Variants in PANK3 observed in about 807,000 individuals in gnomAD.
PANK3 encodes the protein hPanK3.
A neutral mutation model predicts 39.4 loss-of-function variants in PANK3; 20 were observed. The ratio of observed to expected loss-of-function variants is 0.51; its 90% CI spans 0.36 to 0.74. The LOEUF (loss-of-function observed/expected upper bound fraction) is 0.74. PANK3 is among the 30% of genes least tolerant of loss of function. The pLI is 0.00. For missense variants in PANK3, 265 were observed against 437.0 expected (o/e 0.61, Z 3.51); for synonymous variants, 140 against 157.3 (o/e 0.89, Z 0.82).
intron 1 of PANK3, among the ~76,000 whole-genome samples, chr5:168,573,552 G>C (rs1454687344): frequency 6.6e-6 from 1 of 150,576 alleles, no homozygotes; most frequent in Non-Finnish European, 1.5e-5. Flanking sequence ...TTAAGTTTTA[G>C]GGTACATGTG....
At chr5:168,563,411 G>A (rs1759476134) in intron 4 of PANK3, among the ~76,000 whole-genome samples, 1 of 152,090 alleles carries the variant, frequency 6.6e-6, no homozygotes, top group Non-Finnish European at 1.5e-5. Flanking sequence ...GGTGAAACAG[G>A]CACTTTCATT....
In PANK3 at chr5:168,568,582, T is replaced by A. The variant is rs562249889; in HGVS notation, c.381+64A>T. 9 of 1,214,788 alleles carry A rather than the reference T, an allele frequency of 7.4e-6. No homozygotes were observed. The South Asian group carries it at 1.3e-4, about 17-fold the overall frequency. 75.3% of individuals were successfully genotyped at this position (1,214,788 alleles called of 1,614,324 possible). On this transcript the variant is annotated intron_variant, in intron 2 of 6. Coordinates refer to ENST00000239231, the MANE Select transcript of PANK3 (RefSeq NM_024594.4). The stretch of plus-strand genomic sequence containing the variant: ...AGGGAGAATTAAGGAACATGCTAGA[T>A]GGAAACCTACTCTCATATTTAAAAA...
intron 4 of PANK3, among the ~76,000 whole-genome samples, chr5:168,562,910 A>C (rs888785282): frequency 1.3e-5 from 2 of 152,156 alleles, no homozygotes; most frequent in Non-Finnish European, 2.9e-5. Flanking sequence ...ATAAAGCTGA[A>C]AGTATAATGC....
intron 1 of PANK3, among the ~76,000 whole-genome samples, chr5:168,575,748 T>C (rs1015669447): frequency 2.6e-5 from 4 of 151,788 alleles, no homozygotes; most frequent in African/African-American, 9.7e-5. Context: ...ATCGTGCCAC[T>C]GCACTCCAGC....
At chr5:168,558,153 CTTTTT>C (rs767440372) in intron 6 of PANK3, among the ~76,000 whole-genome samples, 3 of 115,292 alleles carry the variant, frequency 2.6e-5, no homozygotes, top group Non-Finnish European at 5.3e-5. Context: ...GACATGGAAG[CTTTTT>C]TTTTTTTTTT....
intron 2 of PANK3, among the ~76,000 whole-genome samples, chr5:168,566,734 CCATTCATT>C (rs546740867): frequency 2.0e-5 from 3 of 152,102 alleles, no homozygotes; most frequent in Non-Finnish European, 2.9e-5. Context: ...TTCAGTCACT[CCATTCATT>C]CATTCATTCA....
At chr5:168,575,597 G>A (rs1450731063) in intron 1 of PANK3, among the ~76,000 whole-genome samples, 1 of 152,058 alleles carries the variant, frequency 6.6e-6, no homozygotes, top group Non-Finnish European at 1.5e-5. Context: ...CCTGGCAAGG[G>A]CAACATGGCA....
chr5:168,558,173 T>C (rs1039201785), intron 6 of PANK3, among the ~76,000 whole-genome samples: 2 of 137,010 alleles, frequency 1.5e-5, no homozygotes, highest in Non-Finnish European at 3.1e-5. Context: ...TTTTTTTTTT[T>C]AGACAGTCTC....
chr5:168,565,887 T>TATATATATA lies in PANK3; in HGVS notation c.635+125_635+126insTATATATAT, dbSNP rs57306546. On this transcript the variant is annotated intron_variant, in intron 3 of 6. Coordinates refer to ENST00000239231, the MANE Select transcript of PANK3 (RefSeq NM_024594.4). Reference sequence around the variant, plus strand: ...AAAAAAAATATATATATATATATATTTTTTTTTTTTGCTGTTGTGCAAATA... The same window carrying TATATATATA: ...AAAAAAAATATATATATATATATATTATATATATATTTTTTTTTTGCTGTTGTGCAAATA... The TATATATATA allele has an allele frequency of 1.3e-3, 192 of 147,944 alleles. 13 individuals carry two copies. In the East Asian group the frequency reaches 0.024, roughly 18 times the overall value. 9.2% of individuals were successfully genotyped at this position (147,944 alleles called of 1,614,324 possible).
chr5:168,569,414 G>A (rs1033884579), intron 1 of PANK3, among the ~76,000 whole-genome samples: 3 of 150,790 alleles, frequency 2.0e-5, no homozygotes, highest in Non-Finnish European at 2.9e-5. Context: ...GGATGGTCTC[G>A]ATCTCCTGAC....
chr5:168,559,205 C>A, intron 5 of PANK3, 48 bp from the exon 6 acceptor site: 1 of 1,241,976 alleles, frequency 8.1e-7, no homozygotes, highest in Non-Finnish European at 1.1e-6. Context: ...ATAGATTTTA[C>A]AATATAAAAG....
intron 6 of PANK3, among the ~76,000 whole-genome samples, 184 bp from the exon 7 acceptor site, chr5:168,557,805 C>G (rs567767599): frequency 6.6e-6 from 1 of 152,250 alleles, no homozygotes; most frequent in African/African-American, 2.4e-5. Flanking sequence ...GTCTACACAC[C>G]TTTGAAATAT....
At chr5:168,569,091 C>G (rs926868585) in intron 1 of PANK3, 93 bp from the exon 2 acceptor site, 1 of 289,126 alleles carries the variant, frequency 3.5e-6, no homozygotes, top group African/African-American at 2.4e-5. Context: ...TAGCCACAAA[C>G]TTCATTTACT....
rs1366885658 is a variant in PANK3 at position 168,556,643 on chromosome 5, G to C, written c.*928C>G. The C allele has an allele frequency of 2.0e-5, 3 of 152,522 alleles. No individual in the cohort carries two copies. The highest frequency in any genetic ancestry group is 7.2e-5 in the African/African-American group (3 of 41,418). 9.4% of individuals were successfully genotyped at this position (152,522 alleles called of 1,614,324 possible). A position where few individuals can be genotyped will look rare whatever the true frequency, so the allele number is the denominator to read the frequency against. ...CTCAAACAGCAAAGGGTAATAATAA[G>C]GCATGGTAGAGGTTTTCCCATTTTT... On this transcript the variant is annotated 3_prime_UTR_variant, in exon 7 of 7. Coordinates refer to ENST00000239231, the MANE Select transcript of PANK3 (RefSeq NM_024594.4).
At chr5:168,578,901 G>A (rs1759777033) in intron 1 of PANK3, among the ~76,000 whole-genome samples, 1 of 152,212 alleles carries the variant, frequency 6.6e-6, no homozygotes, top group Non-Finnish European at 1.5e-5. Flanking sequence ...AAAGCCGCCA[G>A]CGCAACCTGA....
intron 1 of PANK3, among the ~76,000 whole-genome samples, chr5:168,576,427 C>T (rs1230734190): frequency 6.6e-6 from 1 of 152,162 alleles, no homozygotes; most frequent in Non-Finnish European, 1.5e-5. Flanking sequence ...AATCTGTACC[C>T]TAAGAAATCA....
chr5:168,561,157 G>GA (rs766796583), intron 5 of PANK3, among the ~76,000 whole-genome samples: 36 of 151,794 alleles, frequency 2.4e-4, no homozygotes, highest in Admixed American at 6.6e-4. Flanking sequence ...GTGTTTTTCT[G>GA]AAAAAAAATT....
chr5:168,566,168 G>A lies in PANK3; in HGVS notation c.480C>T (p.Cys160=), dbSNP rs1472883176. The change falls in exon 3 of 7, where the codon TGC becomes TGT. Residue 160 remains cysteine (C), a synonymous_variant. Coordinates refer to ENST00000239231, the MANE Select transcript of PANK3 (RefSeq NM_024594.4). ...GTTCTGAGGCATTAGCAAAATAATA[G>A]CACTCGGCTTGTCCATTGAAACTGA... ...DSVSFNGQAE[C]YYFANASEPE... 1 of 1,613,962 alleles carries A rather than the reference G, an allele frequency of 6.2e-7. No individual in the cohort carries two copies. The highest frequency in any genetic ancestry group is 2.2e-5 in the East Asian group (1 of 44,840).
Position 168,568,997 on chromosome 5 carries a change from AGC to A in PANK3, c.29-1_29del. The A allele has an allele frequency of 9.8e-7, 1 of 1,024,122 alleles. No homozygotes were observed. The highest frequency in any genetic ancestry group is 1.3e-6 in the Non-Finnish European group (1 of 762,396). The allele number at this position is 1,024,122 out of a possible 1,614,324, so 63.4% of individuals were successfully genotyped here. ...CAATGTCCATGCCAAACCATGGGAA[AGC>A]TATGGGAGGAAAAAAAAAAAAAAAA... On this transcript the variant is annotated splice_acceptor_variant and coding_sequence_variant, in exon 2 of 7. Transcript: ENST00000239231. LOFTEE classifies it high-confidence loss of function.
Sources: gnomAD v4.1 joint callset for allele counts (sites outside exome capture counted in the v4.1 genomes callset) on GRCh38, gnomAD v4.1.1 for gene constraint, MANE v1.5 for transcripts, NCBI Gene and HGNC (gene_info 2026-07-23, HGNC 2026-07-21) for gene names.